Variants in SORL1 observed in about 807,000 individuals in gnomAD.
The protein encoded by SORL1 is sortilin related receptor 1, also known as sortilin-related receptor.
A neutral mutation model predicts 273.7 loss-of-function variants in SORL1; 127 were observed. The ratio of observed to expected loss-of-function variants is 0.46; its 90% CI spans 0.40 to 0.54. SORL1 has a LOEUF of 0.54. SORL1 is among the 20% of genes least tolerant of loss of function. SORL1 has a pLI of 0.00. For missense variants in SORL1, 2,494 were observed against 2,846.1 expected, an observed-to-expected ratio of 0.88 and a Z score of 2.81; for synonymous variants, 1,031 against 1,067.4, an observed-to-expected ratio of 0.97 and a Z score of 0.66.
At chr11:121,583,971 C>A (rs1245146351) in intron 26 of SORL1, among the ~76,000 whole-genome samples, 1 of 152,208 alleles carries the variant, frequency 6.6e-6, no homozygotes, top group Non-Finnish European at 1.5e-5. Context: ...GATGTTTATG[C>A]AACTCTGTTT....
Position 121,512,999 on chromosome 11 carries a change from G to A in SORL1, c.940-4G>A, listed in dbSNP as rs368597096. The A allele has an allele frequency of 3.7e-6, 6 of 1,611,180 alleles. No homozygotes were observed. In the Admixed American group the frequency reaches 6.7e-5, roughly 18 times the overall value. On this transcript the variant is annotated splice_region_variant and splice_polypyrimidine_tract_variant and intron_variant, in intron 6 of 47. Transcript: ENST00000260197. ...TAATTTTTTTTTCTCCTCTTCCTTG[G>A]CAGCATCTCTTGGGCAGTGAACAGC...
At chr11:121,483,754 C>T (rs1861431345) in intron 3 of SORL1, among the ~76,000 whole-genome samples, 1 of 152,116 alleles carries the variant, frequency 6.6e-6, no homozygotes, top group African/African-American at 2.4e-5. Context: ...ACTGTGTCTT[C>T]CTAACATGTA....
intron 11 of SORL1, among the ~76,000 whole-genome samples, chr11:121,527,115 C>T (rs1404861761): frequency 6.6e-6 from 1 of 151,940 alleles, no homozygotes; most frequent in Non-Finnish European, 1.5e-5. Context: ...ACAATTCAAC[C>T]TTTTTACCAT....
At chr11:121,530,208 A>G (rs1862182851) in intron 11 of SORL1, among the ~76,000 whole-genome samples, 1 of 152,246 alleles carries the variant, frequency 6.6e-6, no homozygotes, top group African/African-American at 2.4e-5. Context: ...AAGAACTTAA[A>G]TATTTACCCA....
chr11:121,578,925 C>T (rs1354321964), intron 25 of SORL1, among the ~76,000 whole-genome samples: 10 of 152,152 alleles, frequency 6.6e-5, no homozygotes, highest in Non-Finnish European at 1.0e-4. Context: ...AAGGAGCTGC[C>T]GTTGGCACAG....
Position 121,622,197 on chromosome 11 carries a change from A to T in SORL1, c.6100A>T (p.Thr2034Ser). 6.2e-7 allele frequency: 1 copy of T among 1,612,200 alleles called. No individual in the cohort carries two copies. The highest frequency in any genetic ancestry group is 8.5e-7 in the Non-Finnish European group (1 of 1,178,976). Reference protein sequence around the residue: ...LSAPDALKIITENDHVLLFWK... With the variant: ...LSAPDALKIISENDHVLLFWK... ...AGCACCTGATGCCTTAAAAATCATA[A>T]CAGAAAATGATCATGTTCTTCTGTT... The change falls in exon 45 of 48, where the codon ACA becomes TCA. Residue 2034 changes from threonine to serine, a missense_variant. Around this residue, in one of 3 missense-constraint regions of SORL1, gnomAD observed 1,609 missense variants for 1,816.4 expected, o/e 0.89. Transcript: ENST00000260197.
chr11:121,494,646 A>G (rs193244562), intron 5 of SORL1, among the ~76,000 whole-genome samples: 123 of 152,346 alleles, frequency 8.1e-4, no homozygotes, highest in Middle Eastern at 3.4e-3. Flanking sequence ...ATTGCAAAGT[A>G]TGAGAACTTG....
intron 47 of SORL1, among the ~76,000 whole-genome samples, chr11:121,628,308 C>T (rs954736127): frequency 3.9e-5 from 6 of 151,964 alleles, no homozygotes; most frequent in African/African-American, 9.7e-5. Context: ...ACTGGACCAG[C>T]GGTGGAGGGG....
intron 33 of SORL1, among the ~76,000 whole-genome samples, 198 bp from the exon 34 acceptor site, chr11:121,604,915 A>T (rs1194227613): frequency 6.6e-6 from 1 of 151,942 alleles, no homozygotes; most frequent in Non-Finnish European, 1.5e-5. Flanking sequence ...AAATCTAAGG[A>T]TTTGTAAGAT....
intron 16 of SORL1, among the ~76,000 whole-genome samples, chr11:121,551,226 C>T (rs1862503470): frequency 6.6e-6 from 1 of 152,170 alleles, no homozygotes; most frequent in Non-Finnish European, 1.5e-5. Flanking sequence ...GGTTAAATGG[C>T]TTAAGGTCAC....
chr11:121,559,699 C>T (rs1468442620), intron 21 of SORL1, 42 bp downstream of exon 21: 1 of 1,597,650 alleles, frequency 6.3e-7, no homozygotes, highest in Non-Finnish European at 8.5e-7. Context: ...GAGTTGATCT[C>T]AAGAAAGGGG....
chr11:121,530,119 C>T (rs1862181757), intron 11 of SORL1, among the ~76,000 whole-genome samples: 1 of 152,170 alleles, frequency 6.6e-6, no homozygotes, highest in African/African-American at 2.4e-5. Flanking sequence ...ATGTTATTTT[C>T]ATATTTATCA....
At chr11:121,504,814 T>C (rs1861763417) in intron 6 of SORL1, among the ~76,000 whole-genome samples, 1 of 152,196 alleles carries the variant, frequency 6.6e-6, no homozygotes, top group African/African-American at 2.4e-5. Flanking sequence ...AGTATGATTT[T>C]TAACTGTGAG....
intron 5 of SORL1, among the ~76,000 whole-genome samples, chr11:121,491,210 C>T (rs1225820336): frequency 7.9e-5 from 12 of 152,140 alleles, no homozygotes; most frequent in African/African-American, 2.4e-4. Context: ...GAATCTGCAT[C>T]GCTTGATAAA....
rs770443102 is a variant in SORL1 at position 121,629,539 on chromosome 11, T to C, written c.6621T>C (p.Asp2207=). Residue 2207 remains aspartate (D), a synonymous_variant, in exon 48 of 48, where the codon GAT becomes GAC. Coordinates refer to ENST00000260197, the MANE Select transcript of SORL1 (RefSeq NM_003105.6). ...EDAPMITGFS[D]DVPMVIA is the part of the protein sequence containing the mutation. Reference sequence around the variant, plus strand: ...CCCCTATGATAACTGGATTTTCAGATGACGTCCCCATGGTGATAGCCTGAA... The same window carrying C: ...CCCCTATGATAACTGGATTTTCAGACGACGTCCCCATGGTGATAGCCTGAA... 6 of 1,579,316 alleles carry C rather than the reference T, an allele frequency of 3.8e-6. No homozygotes were observed. Among genetic ancestry groups the C allele is most frequent in the Non-Finnish European group, 3.5e-6 (4 of 1,148,308 alleles).
chr11:121,524,134 A>G (rs1862084332), intron 11 of SORL1, among the ~76,000 whole-genome samples: 1 of 152,370 alleles, frequency 6.6e-6, no homozygotes, highest in African/African-American at 2.4e-5. Flanking sequence ...AACAGTTTGA[A>G]TGGAAATTTT....
At chr11:121,556,027 G>A (rs1862576744) in intron 18 of SORL1, among the ~76,000 whole-genome samples, 1 of 152,204 alleles carries the variant, frequency 6.6e-6, no homozygotes, top group African/African-American at 2.4e-5. Context: ...ACACAGACTC[G>A]AGAGATAGAC....
At chr11:121,468,714 C>G (rs772289348) in intron 1 of SORL1, among the ~76,000 whole-genome samples, 1 of 152,182 alleles carries the variant, frequency 6.6e-6, no homozygotes, top group Non-Finnish European at 1.5e-5. Context: ...GGCCACCGAG[C>G]CTGACCAGCT....
Position 121,588,171 on chromosome 11 carries a change from G to C in SORL1, c.3946+20G>C. Reference sequence around the variant, plus strand: ...GATGCTGTGAGTTGGGGCAGGCAGGGGAGGTGACTCACGGTCACTAAAGAA... The same window carrying C: ...GATGCTGTGAGTTGGGGCAGGCAGGCGAGGTGACTCACGGTCACTAAAGAA... On this transcript the variant is annotated intron_variant, in intron 28 of 47. Transcript: ENST00000260197. 1 of 1,611,802 alleles carries C rather than the reference G, an allele frequency of 6.2e-7. No individual in the cohort carries two copies. The highest frequency in any genetic ancestry group is 8.5e-7 in the Non-Finnish European group (1 of 1,178,702).
Sources: allele counts gnomAD v4.1 joint callset (sites outside exome capture counted in the v4.1 genomes callset), GRCh38; gene constraint gnomAD v4.1.1; regional missense constraint gnomAD v4.1.1; transcripts MANE v1.5; gene names NCBI Gene and HGNC (gene_info 2026-07-23, HGNC 2026-07-21).